Variants in FOXP1 observed in about 807,000 individuals in gnomAD.
FOXP1 encodes the protein forkhead box protein P1.
A neutral mutation model predicts 98.2 loss-of-function variants in FOXP1; 15 were observed. The ratio of observed to expected loss-of-function variants is 0.15; its 90% CI spans 0.10 to 0.24. The LOEUF (loss-of-function observed/expected upper bound fraction) is 0.24, where lower values mean the gene tolerates loss of function less well. FOXP1 is among the 10% of genes least tolerant of loss of function. The pLI is 1.00. For synonymous variants in FOXP1, 371 were observed against 314.5 expected, an observed-to-expected ratio of 1.18 and a Z score of -1.90; for missense variants, 633 against 848.5, an observed-to-expected ratio of 0.75 and a Z score of 3.15.
intron 2 of FOXP1, among the ~76,000 whole-genome samples, chr3:71,519,919 G>A (rs2107436562): frequency 6.6e-6 from 1 of 152,352 alleles, no homozygotes; most frequent in East Asian, 1.9e-4. Context: ...CTCCCATAAA[G>A]GGGCCATGTT....
At chr3:71,145,928 T>C (rs1378046545) in intron 6 of FOXP1, among the ~76,000 whole-genome samples, 1 of 152,240 alleles carries the variant, frequency 6.6e-6, no homozygotes, top group Admixed American at 6.5e-5. Flanking sequence ...AACATTTTCT[T>C]ACAGTCAGTA....
chr3:71,093,963 G>C (rs576948849), intron 7 of FOXP1, among the ~76,000 whole-genome samples: 17 of 152,096 alleles, frequency 1.1e-4, no homozygotes, highest in Non-Finnish European at 2.5e-4. Context: ...ATTTTGGTAA[G>C]AAAGCTGTTT....
intron 6 of FOXP1, among the ~76,000 whole-genome samples, chr3:71,114,028 T>A (rs564712381): frequency 1.3e-5 from 2 of 152,188 alleles, no homozygotes; most frequent in Non-Finnish European, 2.9e-5. Context: ...GCTTAGAGTT[T>A]AGACACAAAA....
chr3:70,967,072 C>G (rs994911737), intron 19 of FOXP1, among the ~76,000 whole-genome samples: 3 of 152,174 alleles, frequency 2.0e-5, no homozygotes, highest in Admixed American at 2.0e-4. Flanking sequence ...CACAACTGTC[C>G]TCCTGCAGAC....
intron 10 of FOXP1, among the ~76,000 whole-genome samples, chr3:71,043,447 G>A (rs917524986): frequency 3.3e-5 from 5 of 152,102 alleles, no homozygotes; most frequent in Non-Finnish European, 5.9e-5. Context: ...CTTTCGAAGT[G>A]ACAGGTGGGA....
intron 3 of FOXP1, among the ~76,000 whole-genome samples, chr3:71,397,006 G>A (rs867881353): frequency 0.027 from 1,080 of 39,520 alleles, 285 homozygotes; most frequent in African/African-American, 0.12. Context: ...ACATATATAT[G>A]TGTATATATA....
intron 5 of FOXP1, among the ~76,000 whole-genome samples, chr3:71,227,813 C>G (rs184057316): frequency 2.0e-5 from 3 of 151,796 alleles, no homozygotes. Flanking sequence ...ACCTGCTATT[C>G]ATCGGCAAGA....
chr3:71,476,624 G>C (rs1364249090), intron 3 of FOXP1, among the ~76,000 whole-genome samples: 1 of 151,538 alleles, frequency 6.6e-6, no homozygotes, highest in East Asian at 1.9e-4. Context: ...CTGAGGAGCT[G>C]GGATTACAGG....
At chr3:71,037,819 A>G (rs1029639897) in intron 11 of FOXP1, among the ~76,000 whole-genome samples, 1 of 152,172 alleles carries the variant, frequency 6.6e-6, no homozygotes, top group South Asian at 2.1e-4. Context: ...CCGCCTCACA[A>G]ATCACATGGG....
At chr3:70,971,113 CAACAGAAAGG>C (rs1350004754) in intron 18 of FOXP1, 1 of 382,990 alleles carries the variant, frequency 2.6e-6, no homozygotes, top group Non-Finnish European at 5.0e-6. Context: ...CTCCAGACTC[CAACAGAAAGG>C]AAGGCAGCAG....
intron 13 of FOXP1, among the ~76,000 whole-genome samples, chr3:70,998,218 A>G (rs567706401): frequency 3.3e-5 from 5 of 152,334 alleles, no homozygotes; most frequent in African/African-American, 1.2e-4. Context: ...TTTCAGTTTC[A>G]ATTACTTGAC....
intron 3 of FOXP1, among the ~76,000 whole-genome samples, chr3:71,404,267 A>G (rs2082159433): frequency 6.6e-6 from 1 of 151,148 alleles, no homozygotes; most frequent in Non-Finnish European, 1.5e-5. Flanking sequence ...AGCTGGGATT[A>G]TAGACATGCA....
chr3:70,976,049 C>CTT (rs10610516), intron 17 of FOXP1, among the ~76,000 whole-genome samples: 3 of 115,722 alleles, frequency 2.6e-5, no homozygotes, highest in East Asian at 2.4e-4. Flanking sequence ...GGACAATCTC[C>CTT]TTTTTTTTTT....
chr3:71,120,536 G>A (rs1356716159), intron 6 of FOXP1, among the ~76,000 whole-genome samples: 4 of 152,210 alleles, frequency 2.6e-5, no homozygotes, highest in Non-Finnish European at 4.4e-5. Context: ...AGAAAAATCA[G>A]AGCAGAGATA....
At chr3:71,421,084 C>A (rs1157287225) in intron 3 of FOXP1, among the ~76,000 whole-genome samples, 1 of 152,164 alleles carries the variant, frequency 6.6e-6, no homozygotes. Flanking sequence ...ATGCCCATGT[C>A]CCCAAGGATG....
At chr3:71,371,588 C>G (rs971901434) in intron 3 of FOXP1, among the ~76,000 whole-genome samples, 1 of 152,176 alleles carries the variant, frequency 6.6e-6, no homozygotes, top group Non-Finnish European at 1.5e-5. Flanking sequence ...GAGCTTGTGA[C>G]CAGCCTGGGC....
At chr3:71,537,067 A>T (rs1313811611) in intron 2 of FOXP1, among the ~76,000 whole-genome samples, 1 of 152,196 alleles carries the variant, frequency 6.6e-6, no homozygotes, top group Non-Finnish European at 1.5e-5. Context: ...CGAGCCAGCG[A>T]TCCCTAAATA....
At chr3:71,052,241 T>C (rs2049996374) in intron 9 of FOXP1, among the ~76,000 whole-genome samples, 1 of 152,018 alleles carries the variant, frequency 6.6e-6, no homozygotes, top group Non-Finnish European at 1.5e-5. Context: ...CCCAGCTCCA[T>C]CCTGGCCCTC....
chr3:71,386,741 CAAAAAAA>C (rs5850010), intron 3 of FOXP1, among the ~76,000 whole-genome samples: 2 of 90,976 alleles, frequency 2.2e-5, no homozygotes, highest in East Asian at 2.7e-4. Context: ...GATTCCGTCT[CAAAAAAA>C]AAAAAAAAAA....
Sources: gnomAD v4.1 joint callset for allele counts (sites outside exome capture counted in the v4.1 genomes callset) on GRCh38, gnomAD v4.1.1 for gene constraint, MANE v1.5 for transcripts, NCBI Gene and HGNC (gene_info 2026-07-23, HGNC 2026-07-21) for gene names.